ACSM2A: variants seen among roughly 807,000 people sequenced by gnomAD.
The protein encoded by ACSM2A is acyl-CoA synthetase medium chain family member 2A.
Under a neutral mutation model 76.6 loss-of-function variants are expected in ACSM2A, and 72 were observed. That is an observed-to-expected ratio of 0.94 (90% CI 0.78 to 1.14). ACSM2A has a LOEUF of 1.14. Among genes scored for constraint, ACSM2A ranks in the 50% most tolerant of loss-of-function variants. The pLI is 0.00. For synonymous variants in ACSM2A, 249 were observed against 255.9 expected, an observed-to-expected ratio of 0.97 and a Z score of 0.26; for missense variants, 684 against 708.5, an observed-to-expected ratio of 0.97 and a Z score of 0.39.
intron 1 of ACSM2A, among the ~76,000 whole-genome samples, chr16:20,458,991 C>T (rs1480934288): frequency 5.2e-5 from 7 of 135,400 alleles, no homozygotes; most frequent in East Asian, 2.4e-4. Flanking sequence ...TAGTGGCATT[C>T]GCAGCAACCT....
intron 3 of ACSM2A, among the ~76,000 whole-genome samples, chr16:20,465,998 A>G (rs1295884610): frequency 6.6e-6 from 1 of 152,226 alleles, no homozygotes; most frequent in Non-Finnish European, 1.5e-5. Context: ...TTGCACATGT[A>G]AGTATTTAAT....
chr16:20,482,760 C>T (rs545834175), intron 12 of ACSM2A: 51 of 234,110 alleles, frequency 2.2e-4, no homozygotes, highest in African/African-American at 1.1e-3. Context: ...GGTTTTCAGT[C>T]TATTTTTCTC....
intron 6 of ACSM2A, chr16:20,474,270 A>C (rs1045634029): frequency 4.1e-6 from 1 of 245,376 alleles, no homozygotes; most frequent in Non-Finnish European, 8.0e-6. Context: ...CCCCAGTGTA[A>C]CAGTAGTAAG....
intron 6 of ACSM2A, among the ~76,000 whole-genome samples, chr16:20,473,391 G>C (rs994230116): frequency 1.1e-4 from 16 of 152,130 alleles, no homozygotes; most frequent in African/African-American, 2.9e-4. Context: ...ATTTAGGTTG[G>C]AGGTGTAGGG....
intron 1 of ACSM2A, among the ~76,000 whole-genome samples, chr16:20,458,455 TATA>T (rs2012340257): frequency 6.9e-6 from 1 of 145,702 alleles, no homozygotes; most frequent in Admixed American, 7.0e-5. Flanking sequence ...CTATTTATAA[TATA>T]ATATATGGAT....
At position 20,485,522 on chromosome 16, in the gene ACSM2A, T is replaced by C. The variant is rs1223903812; in HGVS notation, c.1630-1052T>C. 3.9e-5 allele frequency among the ~76,000 whole-genome samples: 6 copies of C among 152,238 alleles called. No individual in the cohort carries two copies. In the East Asian group the frequency reaches 1.2e-3, roughly 29 times the overall value. ...AGTAAATATTTTAGGCTATGTGGTC[T>C]TTGTTGCAACTACTCAACTTTGCCC... On this transcript the variant is annotated intron_variant, in intron 13 of 13. Coordinates refer to ENST00000573854, the MANE Select transcript of ACSM2A (RefSeq NM_001308172.2).
intron 2 of ACSM2A, among the ~76,000 whole-genome samples, chr16:20,465,177 T>C (rs1270729485): frequency 6.6e-6 from 1 of 152,102 alleles, no homozygotes; most frequent in Non-Finnish European, 1.5e-5. Flanking sequence ...AATAAATAAA[T>C]AAAATAATGC....
chr16:20,460,104 C>A lies in ACSM2A; in HGVS notation c.-8-3C>A. ...TCACCTGTGTCTCTTCTTTCTTTTA[C>A]AGGCCTGAATATGCATTGGCTGCGA... On this transcript the variant is annotated splice_region_variant and splice_polypyrimidine_tract_variant and intron_variant, in intron 1 of 13. Coordinates refer to ENST00000573854, the MANE Select transcript of ACSM2A (RefSeq NM_001308172.2). 2 of 1,602,064 alleles carry A rather than the reference C, an allele frequency of 1.2e-6. No individual in the cohort carries two copies. The highest frequency in any genetic ancestry group is 1.7e-6 in the Non-Finnish European group (2 of 1,172,892).
At chr16:20,466,889 T>G (rs1407362056) in intron 3 of ACSM2A, among the ~76,000 whole-genome samples, 1 of 152,184 alleles carries the variant, frequency 6.6e-6, no homozygotes. Flanking sequence ...AATTCTAACC[T>G]TGTGACAAAT....
At chr16:20,469,872 A>ATTT (rs35674523) in intron 4 of ACSM2A, among the ~76,000 whole-genome samples, 153 bp downstream of exon 4, 3 of 67,744 alleles carry the variant, frequency 4.4e-5, no homozygotes, top group South Asian at 5.5e-4. Flanking sequence ...ACACAAGGGT[A>ATTT]TTTTTTTTTT....
At chr16:20,474,143 A>G (rs542760825) in intron 6 of ACSM2A, 40 of 410,864 alleles carry the variant, frequency 9.7e-5, no homozygotes, top group Non-Finnish European at 1.7e-4. Context: ...CAATTTGGGC[A>G]CGTGTTCTCA....
chr16:20,457,854 T>G (rs2012285565), intron 1 of ACSM2A, among the ~76,000 whole-genome samples: 1 of 151,986 alleles, frequency 6.6e-6, no homozygotes, highest in East Asian at 1.9e-4. Flanking sequence ...GTCCTCCAAA[T>G]TGGTAAAGAG....
intron 10 of ACSM2A, among the ~76,000 whole-genome samples, chr16:20,479,727 C>T (rs1482075517): frequency 2.0e-5 from 3 of 152,130 alleles, no homozygotes; most frequent in African/African-American, 7.2e-5. Flanking sequence ...TGGGCTTCTC[C>T]CCATTTGACA....
Position 20,478,610 on chromosome 16 carries a change from G to T in ACSM2A, c.1214G>T (p.Gly405Val). 6.2e-7 allele frequency: 1 copy of T among 1,613,820 alleles called. No individual in the cohort carries two copies. Reference sequence around the variant, plus strand: ...GATAAGGGCAACGTCCTGCCCCCCGGCACAGAAGGAGACATTGGCATCAGG... The same window carrying T: ...GATAAGGGCAACGTCCTGCCCCCCGTCACAGAAGGAGACATTGGCATCAGG... ...IDDKGNVLPP[G>V]TEGDIGIRVK... is the part of the protein sequence containing the mutation. Residue 405 changes from glycine to valine, a missense_variant, in exon 10 of 14, where the codon GGC becomes GTC. Coordinates refer to ENST00000573854, the MANE Select transcript of ACSM2A (RefSeq NM_001308172.2).
chr16:20,477,588 AG>A, intron 9 of ACSM2A, 139 bp downstream of exon 9: 1 of 1,427,656 alleles, frequency 7.0e-7, no homozygotes, highest in East Asian at 2.4e-5. Flanking sequence ...GGAGGTAGGG[AG>A]GTTGGGGGAA....
Position 20,486,781 on chromosome 16 carries a change from C to G in ACSM2A, c.*103C>G. 7.3e-7 allele frequency: 1 copy of G among 1,378,854 alleles called. No individual in the cohort carries two copies. The highest frequency in any genetic ancestry group is 1.3e-5 in the South Asian group (1 of 76,008). 85.4% of individuals were successfully genotyped at this position (1,378,854 alleles called of 1,614,324 possible). On this transcript the variant is annotated 3_prime_UTR_variant, in exon 14 of 14. Transcript: ENST00000573854. ...TTATATGAGATTCTTTATGGAAGAACATGAATATAAGTTTTGTCTTGCCTT... is the reference window on the plus strand; with the variant it reads ...TTATATGAGATTCTTTATGGAAGAAGATGAATATAAGTTTTGTCTTGCCTT...
At chr16:20,470,380 C>A (rs1290399393) in intron 4 of ACSM2A, among the ~76,000 whole-genome samples, 2 of 152,108 alleles carry the variant, frequency 1.3e-5, no homozygotes, top group Non-Finnish European at 1.5e-5. Flanking sequence ...ATGGAAAGAC[C>A]TTGATAGTCC....
At position 20,476,425 on chromosome 16, in the gene ACSM2A, C is replaced by A. The variant is rs556848400; in HGVS notation, c.1098+652C>A. ...TCTTCCTCTCCACTCTCTTACCCTGCATCCTTCTTTGGCTAATGAGTACCC... is the reference window on the plus strand; with the variant it reads ...TCTTCCTCTCCACTCTCTTACCCTGAATCCTTCTTTGGCTAATGAGTACCC... On this transcript the variant is annotated intron_variant, in intron 8 of 13. Coordinates refer to ENST00000573854, the MANE Select transcript of ACSM2A (RefSeq NM_001308172.2). 5 of 985,576 alleles carry A rather than the reference C, an allele frequency of 5.1e-6. No individual in the cohort carries two copies. In the East Asian group the frequency reaches 5.7e-4, roughly 112 times the overall value. The allele number at this position is 985,576 out of a possible 1,614,324, so 61.1% of individuals were successfully genotyped here.
chr16:20,470,366 T>C (rs1013550559), intron 4 of ACSM2A, among the ~76,000 whole-genome samples: 2 of 152,152 alleles, frequency 1.3e-5, no homozygotes, highest in African/African-American at 2.4e-5. Flanking sequence ...CATGTGTTGA[T>C]AGCATGGAAA....
Sources: gnomAD v4.1 joint callset for allele counts (sites outside exome capture counted in the v4.1 genomes callset) on GRCh38, gnomAD v4.1.1 for gene constraint, MANE v1.5 for transcripts, NCBI Gene and HGNC (gene_info 2026-07-23, HGNC 2026-07-21) for gene names.